Variants in SERPINI2 observed in about 807,000 individuals in gnomAD.
SERPINI2 encodes the protein serpin I2.
In SERPINI2, 48 loss-of-function variants were observed where a neutral mutation model predicts 47.3. That is an observed-to-expected ratio of 1.02 (90% CI 0.81 to 1.29). SERPINI2 has a LOEUF of 1.29. Ranked by LOEUF, SERPINI2 falls within the 50% of genes most tolerant of loss-of-function variation. SERPINI2 has a pLI of 0.00. For synonymous variants in SERPINI2, 135 were observed against 149.3 expected, an observed-to-expected ratio of 0.90 and a Z score of 0.70; for missense variants, 448 against 456.9, an observed-to-expected ratio of 0.98 and a Z score of 0.18.
In SERPINI2 at chr3:167,471,574, T is replaced by C. The variant is rs747061209; in HGVS notation, c.247+14A>G. ...ATCTTATCCAGTATAAGTAAGGAGA[T>C]GTAAGAGTCTCACCAGCTGAGGTTT... On this transcript the variant is annotated intron_variant, in intron 2 of 8. Coordinates refer to ENST00000264677, the Ensembl canonical transcript of SERPINI2. 1 of 1,612,150 alleles carries C rather than the reference T, an allele frequency of 6.2e-7. No individual in the cohort carries two copies. The highest frequency in any genetic ancestry group is 8.5e-7 in the Non-Finnish European group (1 of 1,178,762).
At chr3:167,446,257 C>A in intron 8 of SERPINI2, 135 bp downstream of exon 8, 3 of 544,058 alleles carry the variant, frequency 5.5e-6, no homozygotes, top group Non-Finnish European at 9.4e-6. Context: ...AAATACAATT[C>A]CTGGTATATA....
At position 167,473,995 on chromosome 3, in the gene SERPINI2, G is replaced by T; in HGVS notation, c.-11+8C>A. The T allele has an allele frequency of 8.8e-7, 1 of 1,142,128 alleles. No homozygotes were observed. Among genetic ancestry groups the T allele is most frequent in the Non-Finnish European group, 1.1e-6 (1 of 930,774 alleles). 70.7% of individuals were successfully genotyped at this position (1,142,128 alleles called of 1,614,324 possible). A position where few individuals can be genotyped will look rare whatever the true frequency, so the allele number is the denominator to read the frequency against. On this transcript the variant is annotated splice_region_variant and intron_variant, in intron 1 of 8. Coordinates refer to ENST00000264677, the Ensembl canonical transcript of SERPINI2. ...TATTCAAAAGCTATTTATTTCTAAGGTACTTACCCCAAACTGACTTCTGAT... is the reference window on the plus strand; with the variant it reads ...TATTCAAAAGCTATTTATTTCTAAGTTACTTACCCCAAACTGACTTCTGAT...
intron 2 of SERPINI2, among the ~76,000 whole-genome samples, chr3:167,468,494 T>G (rs904342720): frequency 6.6e-6 from 1 of 152,146 alleles, no homozygotes; most frequent in Non-Finnish European, 1.5e-5. Context: ...TACTTGCCTT[T>G]TTGGCCTGGC....
At chr3:167,466,974 T>G (rs1232137809) in intron 3 of SERPINI2, 81 bp downstream of exon 3, 1 of 913,500 alleles carries the variant, frequency 1.1e-6, no homozygotes, top group Non-Finnish European at 1.7e-6. Flanking sequence ...TAGGAAAATA[T>G]TCAGCCATTC....
intron 5 of SERPINI2, among the ~76,000 whole-genome samples, chr3:167,457,359 A>G (rs1749823528): frequency 1.3e-5 from 2 of 152,346 alleles, no homozygotes; most frequent in African/African-American, 4.8e-5. Flanking sequence ...AAGGACTACT[A>G]CAAAACAGCA....
chr3:167,475,138 T>C (rs1303014517), upstream of SERPINI2, among the ~76,000 whole-genome samples: 1 of 151,744 alleles, frequency 6.6e-6, no homozygotes, highest in African/African-American at 2.4e-5. Context: ...CTCCAAATGT[T>C]TTCTAGATCT....
chr3:167,442,072 G>A, exon 9 of SERPINI2: 1 of 1,508,236 alleles, frequency 6.6e-7, no homozygotes, highest in Non-Finnish European at 9.0e-7. Flanking sequence ...AGCTATTTTT[G>A]AGAAATCATC....
chr3:167,459,079 T>G (rs1749901134), intron 5 of SERPINI2, among the ~76,000 whole-genome samples: 2 of 120,638 alleles, frequency 1.7e-5, no homozygotes, highest in South Asian at 2.3e-4. Flanking sequence ...TTTTTTTTTG[T>G]TTTTTTTTTT....
intron 5 of SERPINI2, among the ~76,000 whole-genome samples, chr3:167,453,321 T>C (rs1248967478): frequency 6.6e-6 from 1 of 152,180 alleles, no homozygotes; most frequent in Non-Finnish European, 1.5e-5. Context: ...TTCTAAGTTC[T>C]ATCTAAGGTC....
intron 5 of SERPINI2, among the ~76,000 whole-genome samples, chr3:167,461,444 A>C (rs1238239109): frequency 6.6e-6 from 1 of 152,186 alleles, no homozygotes; most frequent in Non-Finnish European, 1.5e-5. Context: ...ATTCAAATTC[A>C]GCTTTTAAGG....
At chr3:167,468,035 C>T (rs1336587326) in intron 2 of SERPINI2, among the ~76,000 whole-genome samples, 1 of 152,174 alleles carries the variant, frequency 6.6e-6, no homozygotes, top group Admixed American at 6.6e-5. Flanking sequence ...TATGAGAGAA[C>T]TCTACCCTGA....
chr3:167,452,106 G>A (rs1054639182), intron 6 of SERPINI2, among the ~76,000 whole-genome samples: 2 of 152,108 alleles, frequency 1.3e-5, no homozygotes, highest in African/African-American at 2.4e-5. Flanking sequence ...TTAACAACAC[G>A]TTTCCAAAGC....
intron 8 of SERPINI2, among the ~76,000 whole-genome samples, chr3:167,443,592 C>A (rs953317633): frequency 2.0e-5 from 3 of 152,114 alleles, no homozygotes; most frequent in Non-Finnish European, 4.4e-5. Context: ...CCTATATCTT[C>A]ATAATATTAA....
intron 5 of SERPINI2, among the ~76,000 whole-genome samples, chr3:167,459,078 G>GTTTTTTTTTTTGTTTTTTTT (rs1749901427): frequency 7.2e-6 from 1 of 139,028 alleles, no homozygotes; most frequent in African/African-American, 2.7e-5. Flanking sequence ...GTTTTTTTTT[G>GTTTTTTTTTTTGTTTTTTTT]TTTTTTTTTT....
intron 2 of SERPINI2, 91 bp from the exon 3 acceptor site, chr3:167,467,376 C>T: frequency 1.1e-6 from 1 of 873,652 alleles, no homozygotes; most frequent in Non-Finnish European, 1.7e-6. Flanking sequence ...TGATTCATAT[C>T]ACCGTTTTTT....
In SERPINI2 at chr3:167,462,541, G is replaced by T. The variant is rs1000996932; in HGVS notation, c.866+2665C>A. Among the ~76,000 whole-genome samples, 43 of 152,118 alleles carry T rather than the reference G, an allele frequency of 2.8e-4. 1 individual carries two copies. The highest frequency in any genetic ancestry group is 8.7e-4 in the African/African-American group (36 of 41,424). ...AACAGTCATGTTGGATTAGAGCCCG[G>T]CCTAATGACCTAACTTTCATTACTC... On this transcript the variant is annotated intron_variant, in intron 5 of 8. Coordinates refer to ENST00000264677, the Ensembl canonical transcript of SERPINI2.
At chr3:167,454,850 T>C (rs138439214) in intron 5 of SERPINI2, among the ~76,000 whole-genome samples, 7 of 152,284 alleles carry the variant, frequency 4.6e-5, no homozygotes, top group African/African-American at 1.2e-4. Flanking sequence ...TTAAGATAAA[T>C]TATAGTTTTT....
intron 5 of SERPINI2, 50 bp from the exon 6 acceptor site, chr3:167,453,083 T>A (rs993570227): frequency 1.4e-5 from 14 of 1,028,562 alleles, no homozygotes; most frequent in Non-Finnish European, 1.7e-5. Context: ...ACTGCACATT[T>A]TTGCTACCAA....
chr3:167,476,069 G>GTTAAATTATATTTAGTGTAAAT (rs375886558), upstream of SERPINI2, among the ~76,000 whole-genome samples: 6,739 of 151,684 alleles, frequency 0.044, 511 homozygotes, highest in African/African-American at 0.15. Flanking sequence ...AAAAGAAAAT[G>GTTAAATTATATTTAGTGTAAAT]TTAAATTATA....
Sources: allele counts gnomAD v4.1 joint callset (sites outside exome capture counted in the v4.1 genomes callset), GRCh38; gene constraint gnomAD v4.1.1; transcripts MANE v1.5; gene names NCBI Gene and HGNC (gene_info 2026-07-23, HGNC 2026-07-21).